DNAJC7: variants seen among roughly 807,000 people sequenced by gnomAD.
DNAJC7 encodes the protein dnaJ homolog subfamily C member 7.
DNAJC7 carries 18 observed loss-of-function variants against 67.4 expected under a neutral mutation model. The observed-to-expected ratio is 0.27, with a 90% CI of 0.18 to 0.40. The LOEUF is 0.40. DNAJC7 is among the 10% of genes least tolerant of loss of function. DNAJC7 has a pLI of 1.00. For missense variants in DNAJC7, 419 were observed against 613.8 expected (o/e 0.68, Z 3.35); for synonymous variants, 220 against 207.8 (o/e 1.06, Z -0.50).
intron 2 of DNAJC7, among the ~76,000 whole-genome samples, chr17:41,999,820 A>AT (rs1245544741): frequency 1.3e-5 from 2 of 150,634 alleles, no homozygotes; most frequent in African/African-American, 2.4e-5. Flanking sequence ...AGCCTGGCCT[A>AT]TTTTTTTTAT....
At chr17:41,997,281 G>A in intron 2 of DNAJC7, 42 bp from the exon 3 acceptor site, 5 of 1,596,632 alleles carry the variant, frequency 3.1e-6, no homozygotes, top group South Asian at 2.2e-5. Context: ...GTTTAGAACA[G>A]GTCCCTGCTT....
intron 1 of DNAJC7, chr17:42,012,937 C>A (rs1349030073): frequency 2.0e-5 from 3 of 152,132 alleles, no homozygotes; most frequent in African/African-American, 4.8e-5. Context: ...GCAGGGCCTA[C>A]AGGTATGCAC....
chr17:41,979,921 A>T (rs1555645699), intron 12 of DNAJC7, among the ~76,000 whole-genome samples: 1 of 151,834 alleles, frequency 6.6e-6, no homozygotes, highest in East Asian at 2.0e-4. Flanking sequence ...AGATGGTGCC[A>T]CTGCACTCCA....
chr17:42,008,611 C>T (rs868939716), intron 1 of DNAJC7, among the ~76,000 whole-genome samples: 1 of 152,006 alleles, frequency 6.6e-6, no homozygotes. Flanking sequence ...GGGGTTTCAC[C>T]GTGTTAGCCA....
At chr17:42,003,950 ATTTTTTT>A (rs10631965) in intron 1 of DNAJC7, among the ~76,000 whole-genome samples, 13 of 94,326 alleles carry the variant, frequency 1.4e-4, no homozygotes, top group African/African-American at 4.4e-4. Flanking sequence ...AAGATTTTCA[ATTTTTTT>A]TTTTTTTTTT....
Position 42,017,360 on chromosome 17 carries a change from G to A in DNAJC7, c.57C>T (p.Leu19=), listed in dbSNP as rs199672436. 92 of 1,611,304 alleles carry A rather than the reference G, an allele frequency of 5.7e-5. No individual in the cohort carries two copies. In the African/African-American group the frequency reaches 9.5e-4, roughly 17 times the overall value. Residue 19 remains leucine (L), a synonymous_variant, in exon 1 of 14, where the codon CTC becomes CTT. Transcript: ENST00000457167. ...VVMAATEPEL[L]DDQEAKREAE... Reference sequence around the variant, plus strand: ...GTTACCTCTTCGCCTCTTGGTCGTCGAGCAGCTCCGGCTCGGTCGCCGCCA... The same window carrying A: ...GTTACCTCTTCGCCTCTTGGTCGTCAAGCAGCTCCGGCTCGGTCGCCGCCA...
Position 41,976,656 on chromosome 17 carries a change from A to G in DNAJC7, c.*77T>C. ...AAGCACACGGAGACGTGATGAAGGG[A>G]GGAGGTGAACTGTTTCCACATTCAA... On this transcript the variant is annotated 3_prime_UTR_variant, in exon 14 of 14. Transcript: ENST00000457167. 6.4e-7 allele frequency: 1 copy of G among 1,562,262 alleles called. No individual in the cohort carries two copies. The highest frequency in any genetic ancestry group is 1.9e-5 in the Admixed American group (1 of 53,490).
Position 41,990,251 on chromosome 17 carries a change from C to A in DNAJC7, c.599+13G>T. 1 of 1,594,146 alleles carries A rather than the reference C, an allele frequency of 6.3e-7. No individual in the cohort carries two copies. The highest frequency in any genetic ancestry group is 8.6e-7 in the Non-Finnish European group (1 of 1,168,416). On this transcript the variant is annotated intron_variant, in intron 6 of 13. Transcript: ENST00000457167. ...ATCTGGCATTTTAATGTCCAGCTAG[C>A]CTGACTGCATACCTAGCCACAGACT...
At chr17:42,002,362 T>A (rs1336787184) in intron 1 of DNAJC7, among the ~76,000 whole-genome samples, 1 of 152,222 alleles carries the variant, frequency 6.6e-6, no homozygotes, top group African/African-American at 2.4e-5. Context: ...GGAGACACTG[T>A]GTCAGCAGTA....
At chr17:41,982,559 A>G (rs933345674) in intron 10 of DNAJC7, among the ~76,000 whole-genome samples, 158 bp from the exon 11 acceptor site, 5 of 152,150 alleles carry the variant, frequency 3.3e-5, no homozygotes, top group Non-Finnish European at 7.4e-5. Flanking sequence ...CTACTCGGCC[A>G]GGCACGGTGA....
Position 41,982,419 on chromosome 17 carries a change from G to A in DNAJC7, c.1085-18C>T, listed in dbSNP as rs1430348344. ...TTTGTGTTCTACAGGAAGACATCTGGCATCAGTGGACAAATCTGACTCTGG... is the reference window on the plus strand; with the variant it reads ...TTTGTGTTCTACAGGAAGACATCTGACATCAGTGGACAAATCTGACTCTGG... On this transcript the variant is annotated intron_variant, in intron 10 of 13. Coordinates refer to ENST00000457167, the MANE Select transcript of DNAJC7 (RefSeq NM_003315.4). 40 of 1,612,762 alleles carry A rather than the reference G, an allele frequency of 2.5e-5. No individual in the cohort carries two copies. Among genetic ancestry groups the A allele is most frequent in the Non-Finnish European group, 3.4e-5 (40 of 1,179,306 alleles).
intron 12 of DNAJC7, among the ~76,000 whole-genome samples, chr17:41,980,006 A>T (rs1555645727): frequency 6.6e-6 from 1 of 151,688 alleles, no homozygotes; most frequent in Non-Finnish European, 1.5e-5. Context: ...AGATTTTCTT[A>T]GTGGAAGAGA....
intron 10 of DNAJC7, among the ~76,000 whole-genome samples, chr17:41,982,842 C>A (rs534067791): frequency 6.6e-6 from 1 of 152,088 alleles, no homozygotes; most frequent in Non-Finnish European, 1.5e-5. Flanking sequence ...TGCCTGTAAT[C>A]CCAGTTATTC....
At position 41,976,582 on chromosome 17, in the gene DNAJC7, C is replaced by G. The variant is rs1959566570; in HGVS notation, c.*151G>C. On this transcript the variant is annotated 3_prime_UTR_variant, in exon 14 of 14. Transcript: ENST00000457167. ...TCGGCATTGGTTCCCTTTGCTCCACCCCACTCACAGAGACACAGGGCATCC... is the reference window on the plus strand; with the variant it reads ...TCGGCATTGGTTCCCTTTGCTCCACGCCACTCACAGAGACACAGGGCATCC... The G allele has an allele frequency of 2.0e-6, 2 of 986,324 alleles. No individual in the cohort carries two copies. Among genetic ancestry groups the G allele is most frequent in the African/African-American group, 1.7e-5 (1 of 59,118 alleles). 61.1% of individuals were successfully genotyped at this position (986,324 alleles called of 1,614,324 possible).
intron 3 of DNAJC7, among the ~76,000 whole-genome samples, chr17:41,996,729 GC>G (rs1330895128): frequency 2.6e-5 from 4 of 152,222 alleles, no homozygotes; most frequent in Non-Finnish European, 4.4e-5. Context: ...ATTGCCTGAA[GC>G]CGAGATCGCG....
intron 2 of DNAJC7, among the ~76,000 whole-genome samples, chr17:41,997,511 T>C (rs181002463): frequency 8.6e-5 from 13 of 151,770 alleles, no homozygotes; most frequent in African/African-American, 2.9e-4. Flanking sequence ...GCATAAGAAT[T>C]GCTTGAATCT....
rs1013714403 is a variant in DNAJC7 at position 41,997,095 on chromosome 17, C to G, written c.291+20G>C. The G allele has an allele frequency of 2.5e-6, 4 of 1,613,802 alleles. No individual in the cohort carries two copies. The highest frequency in any genetic ancestry group is 1.6e-4 in the Middle Eastern group (1 of 6,062). On this transcript the variant is annotated intron_variant, in intron 3 of 13. Coordinates refer to ENST00000457167, the MANE Select transcript of DNAJC7 (RefSeq NM_003315.4). Reference sequence around the variant, plus strand: ...CTGTAGCAACCCAGCCTTCCCCAAACAGCCCCATTACATACATACCCGGAC... The same window carrying G: ...CTGTAGCAACCCAGCCTTCCCCAAAGAGCCCCATTACATACATACCCGGAC...
chr17:41,976,829 G>T, intron 13 of DNAJC7, 59 bp from the exon 14 acceptor site: 1 of 1,586,604 alleles, frequency 6.3e-7, no homozygotes. Context: ...AGATCACTTT[G>T]CTCTGATTAT....
chr17:41,982,072 G>GA, intron 11 of DNAJC7, 65 bp from the exon 12 acceptor site: 2 of 1,588,194 alleles, frequency 1.3e-6, no homozygotes, highest in Non-Finnish European at 1.7e-6. Flanking sequence ...AAGTTTAAGA[G>GA]AAAAACTACT....
Sources: gnomAD v4.1 joint callset for allele counts (sites outside exome capture counted in the v4.1 genomes callset) on GRCh38, gnomAD v4.1.1 for gene constraint, MANE v1.5 for transcripts, NCBI Gene and HGNC (gene_info 2026-07-23, HGNC 2026-07-21) for gene names.